DCLK1: variants seen among roughly 807,000 people sequenced by gnomAD.
The protein encoded by DCLK1 is doublecortin like kinase 1.
DCLK1 carries 16 observed loss-of-function variants against 86.2 expected under a neutral mutation model. The ratio of observed to expected loss-of-function variants is 0.19; its 90% CI spans 0.13 to 0.28. DCLK1 has a LOEUF of 0.28. Ranked by LOEUF, DCLK1 falls within the 10% of genes least tolerant of loss-of-function variation. DCLK1 has a pLI of 1.00. For synonymous variants in DCLK1, 369 were observed against 370.5 expected, an observed-to-expected ratio of 1.00 and a Z score of 0.05; for missense variants, 590 against 940.2, an observed-to-expected ratio of 0.63 and a Z score of 4.87.
chr13:35,983,716 G>A (rs1029419401), intron 3 of DCLK1, among the ~76,000 whole-genome samples: 1 of 152,180 alleles, frequency 6.6e-6, no homozygotes, highest in East Asian at 1.9e-4. Flanking sequence ...AACATCTTAT[G>A]TACCCATAAA....
chr13:36,097,434 C>T (rs181966458), intron 3 of DCLK1, among the ~76,000 whole-genome samples: 7 of 151,958 alleles, frequency 4.6e-5, no homozygotes, highest in East Asian at 3.9e-4. Context: ...TTAAATTTTG[C>T]GATATTCACA....
intron 3 of DCLK1, among the ~76,000 whole-genome samples, chr13:36,037,461 AC>A (rs1882544321): frequency 1.4e-5 from 1 of 70,816 alleles, no homozygotes; most frequent in African/African-American, 5.3e-5. Flanking sequence ...CCCTAATGTG[AC>A]CTTTTTTCTC....
chr13:35,827,538 C>T lies in DCLK1; in HGVS notation c.1407+97G>A, dbSNP rs1868580917. On this transcript the variant is annotated intron_variant, in intron 10 of 16. Transcript: ENST00000360631. Reference sequence around the variant, plus strand: ...CTGGGCCAATGTACAGAAATGAGAACCTGAATACTGATGGGAGAAAATAAG... The same window carrying T: ...CTGGGCCAATGTACAGAAATGAGAATCTGAATACTGATGGGAGAAAATAAG... 2.1e-6 allele frequency: 3 copies of T among 1,444,820 alleles called. No individual in the cohort carries two copies. In the African/African-American group the frequency reaches 4.2e-5, roughly 20 times the overall value. The allele number at this position is 1,444,820 out of a possible 1,614,324, so 89.5% of individuals were successfully genotyped here.
intron 3 of DCLK1, among the ~76,000 whole-genome samples, chr13:35,989,663 C>T (rs886619295): frequency 2.0e-5 from 3 of 151,542 alleles, no homozygotes; most frequent in Non-Finnish European, 4.4e-5. Context: ...CTGCCTTGGC[C>T]TCCTGAGTAG....
chr13:35,812,388 G>A (rs774041016), intron 11 of DCLK1, among the ~76,000 whole-genome samples: 1 of 152,310 alleles, frequency 6.6e-6, no homozygotes, highest in Middle Eastern at 3.4e-3. Flanking sequence ...CCAGCAAGCC[G>A]AGGCTTGCAT....
chr13:35,989,344 T>TG (rs1271540227), intron 3 of DCLK1, among the ~76,000 whole-genome samples: 1 of 152,156 alleles, frequency 6.6e-6, no homozygotes, highest in African/African-American at 2.4e-5. Context: ...CGATGTCGAC[T>TG]CACTGCAACA....
intron 4 of DCLK1, among the ~76,000 whole-genome samples, chr13:35,914,917 T>A (rs777951930): frequency 3.2e-4 from 48 of 152,104 alleles, no homozygotes; most frequent in Non-Finnish European, 6.0e-4. Flanking sequence ...AGGAAGGAGA[T>A]GACTTGAAGA....
In DCLK1 at chr13:35,871,467, T is replaced by C; in HGVS notation, c.824-127A>G. The C allele has an allele frequency of 3.8e-6, 3 of 789,012 alleles. No homozygotes were observed. In the South Asian group the frequency reaches 5.0e-5, roughly 13 times the overall value. The allele number at this position is 789,012 out of a possible 1,614,324, so 48.9% of individuals were successfully genotyped here. On this transcript the variant is annotated intron_variant, in intron 4 of 16. Transcript: ENST00000360631. ...TCAGTCACATCTACTTCCCACCAGC[T>C]GGGTTCTTGTCTATGTCAATGAAAC...
chr13:36,090,204 T>C (rs79053780), intron 3 of DCLK1, among the ~76,000 whole-genome samples: 2 of 152,140 alleles, frequency 1.3e-5, no homozygotes, highest in Non-Finnish European at 2.9e-5. Context: ...AGAAAAATAG[T>C]TTTCTTTGGG....
At chr13:35,796,674 T>C (rs3890216) in intron 15 of DCLK1, among the ~76,000 whole-genome samples, 67,175 of 151,828 alleles carry the variant, frequency 0.44, 17,454 homozygotes, top group African/African-American at 0.72. Context: ...CCACGTCACA[T>C]AGCTAGAAAG....
chr13:35,935,323 C>T (rs926252716), intron 4 of DCLK1, among the ~76,000 whole-genome samples: 2 of 152,052 alleles, frequency 1.3e-5, no homozygotes, highest in Admixed American at 6.6e-5. Flanking sequence ...GAGGATTAAT[C>T]GGGTTCAAAC....
At chr13:35,981,416 C>T (rs1312903706) in intron 3 of DCLK1, among the ~76,000 whole-genome samples, 1 of 152,116 alleles carries the variant, frequency 6.6e-6, no homozygotes, top group African/African-American at 2.4e-5. Flanking sequence ...CACACACAGA[C>T]AGCCTCCCCC....
At chr13:35,983,215 C>T (rs1879749073) in intron 3 of DCLK1, among the ~76,000 whole-genome samples, 1 of 152,052 alleles carries the variant, frequency 6.6e-6, no homozygotes, top group East Asian at 1.9e-4. Flanking sequence ...AGTCTCAAAT[C>T]CCTGGCCTCA....
At chr13:35,811,020 C>T in intron 11 of DCLK1, 52 bp from the exon 12 acceptor site, 1 of 1,608,398 alleles carries the variant, frequency 6.2e-7, no homozygotes, top group Non-Finnish European at 8.5e-7. Flanking sequence ...GCTCAAAAGC[C>T]CTTTCTTGAA....
At chr13:35,978,111 A>G (rs1879440565) in intron 3 of DCLK1, among the ~76,000 whole-genome samples, 1 of 151,956 alleles carries the variant, frequency 6.6e-6, no homozygotes, top group African/African-American at 2.4e-5. Context: ...TTGACAGGAT[A>G]TAAATAATAC....
chr13:35,883,952 C>T (rs1423762332), intron 4 of DCLK1, among the ~76,000 whole-genome samples: 1 of 152,260 alleles, frequency 6.6e-6, no homozygotes, highest in East Asian at 1.9e-4. Context: ...CTACAGTCTT[C>T]CTCTAGGATA....
chr13:35,847,025 G>A, intron 6 of DCLK1: 3 of 985,044 alleles, frequency 3.0e-6, no homozygotes, highest in Non-Finnish European at 2.4e-6. Flanking sequence ...CTGTATCAAT[G>A]TTTCATTTTT....
intron 3 of DCLK1, among the ~76,000 whole-genome samples, chr13:36,078,811 T>G (rs1381162780): frequency 6.6e-6 from 1 of 152,230 alleles, no homozygotes; most frequent in Admixed American, 6.5e-5. Context: ...CAATTTTACG[T>G]AATGTGAATC....
chr13:35,838,136 T>C (rs1335772590), intron 7 of DCLK1, among the ~76,000 whole-genome samples: 1 of 151,700 alleles, frequency 6.6e-6, no homozygotes, highest in Non-Finnish European at 1.5e-5. Flanking sequence ...AACCATTTCA[T>C]TTCATTCAAA....
Sources: gnomAD v4.1 joint callset for allele counts (sites outside exome capture counted in the v4.1 genomes callset) on GRCh38, gnomAD v4.1.1 for gene constraint, MANE v1.5 for transcripts, NCBI Gene and HGNC (gene_info 2026-07-23, HGNC 2026-07-21) for gene names.